Variants in GLIS3 observed in about 807,000 individuals in gnomAD.
GLIS3 encodes the protein GLIS family zinc finger 3, also known as zinc finger protein GLIS3.
GLIS3 carries 53 observed loss-of-function variants against 78.6 expected under a neutral mutation model. That is an observed-to-expected ratio of 0.67 (90% confidence interval 0.54 to 0.85). The LOEUF is 0.85. Ranked by LOEUF, GLIS3 falls within the 40% of genes least tolerant of loss-of-function variation. GLIS3 has a pLI of 0.00. For missense variants in GLIS3, 1,703 were observed against 1,231.1 expected (o/e 1.38, Z -5.74); for synonymous variants, 684 against 509.9 (o/e 1.34, Z -4.60).
At chr9:3,993,981 T>G (rs1820535519) in intron 4 of GLIS3, among the ~76,000 whole-genome samples, 1 of 152,212 alleles carries the variant, frequency 6.6e-6, no homozygotes, top group African/African-American at 2.4e-5. Context: ...TAACCTCTAC[T>G]ACGCATCAGA....
chr9:3,991,838 CTG>C (rs1820308596), intron 4 of GLIS3, among the ~76,000 whole-genome samples: 2 of 151,916 alleles, frequency 1.3e-5, no homozygotes, highest in Non-Finnish European at 2.9e-5. Flanking sequence ...CTACAGGCGC[CTG>C]CAACCATGCC....
intron 2 of GLIS3, among the ~76,000 whole-genome samples, chr9:4,149,935 G>T (rs1222087102): frequency 3.3e-5 from 5 of 152,194 alleles, no homozygotes; most frequent in South Asian, 2.1e-4. Context: ...TACTACAAAA[G>T]GGATTTACTA....
At position 4,256,595 on chromosome 9, in the gene GLIS3, T is replaced by C. The variant is rs79486836; in HGVS notation, c.388+29443A>G. On this transcript the variant is annotated intron_variant, in intron 2 of 10. Transcript: ENST00000381971. ...CAACATATATTAAACATCAGGCCTA[T>C]TGATCCAGTAATTCTACTCCTAGAT... Among the ~76,000 whole-genome samples, 688 of 152,290 alleles carry C rather than the reference T, an allele frequency of 4.5e-3. 3 individuals carry two copies. The highest frequency in any genetic ancestry group is 0.015 in the African/African-American group (629 of 41,566).
chr9:4,231,910 T>C (rs1032613939), intron 2 of GLIS3, among the ~76,000 whole-genome samples: 2 of 152,210 alleles, frequency 1.3e-5, no homozygotes, highest in Non-Finnish European at 2.9e-5. Context: ...GTGGTTGTCA[T>C]TATGTTCCTG....
At chr9:4,112,472 T>C (rs1831299735) in intron 4 of GLIS3, among the ~76,000 whole-genome samples, 2 of 152,186 alleles carry the variant, frequency 1.3e-5, no homozygotes, top group Non-Finnish European at 2.9e-5. Context: ...AAAACTTTTA[T>C]AATACTGTTC....
chr9:3,994,872 GA>G (rs1820618127), intron 4 of GLIS3, among the ~76,000 whole-genome samples: 1 of 151,938 alleles, frequency 6.6e-6, no homozygotes, highest in African/African-American at 2.4e-5. Context: ...CTGCCCTACA[GA>G]TAAAGTGAGG....
the GLIS3 span, among the ~76,000 whole-genome samples, chr9:4,371,321 C>T: frequency 6.6e-6 from 1 of 152,008 alleles, no homozygotes; most frequent in African/African-American, 2.4e-5. Flanking sequence ...TGAGTCAGTC[C>T]CTCTTATGGG....
chr9:4,270,495 G>A, intron 2 of GLIS3, among the ~76,000 whole-genome samples: 1 of 152,304 alleles, frequency 6.6e-6, no homozygotes, highest in East Asian at 1.9e-4. Flanking sequence ...AAACGGGGAA[G>A]CATCTGCTTC....
At chr9:4,241,761 C>G (rs917309537) in intron 2 of GLIS3, among the ~76,000 whole-genome samples, 12 of 152,156 alleles carry the variant, frequency 7.9e-5, no homozygotes, top group African/African-American at 2.9e-4. Context: ...TGGCTCACTG[C>G]AACCCCTGCC....
chr9:4,203,025 A>T (rs1819546411), intron 2 of GLIS3, among the ~76,000 whole-genome samples: 1 of 152,244 alleles, frequency 6.6e-6, no homozygotes, highest in Non-Finnish European at 1.5e-5. Context: ...TTATCAGCAA[A>T]GAGACAACCT....
At chr9:4,319,814 C>T (rs1194994487) in intron 2 of GLIS3, among the ~76,000 whole-genome samples, 1 of 152,132 alleles carries the variant, frequency 6.6e-6, no homozygotes, top group Non-Finnish European at 1.5e-5. Flanking sequence ...AATGTTATCA[C>T]AAAATTTCTA....
chr9:3,883,911 G>C (rs1206622303), intron 7 of GLIS3, among the ~76,000 whole-genome samples: 1 of 152,234 alleles, frequency 6.6e-6, no homozygotes, highest in Non-Finnish European at 1.5e-5. Flanking sequence ...CTTGTCTTCA[G>C]CAGAGGCCAG....
chr9:4,211,561 G>A (rs952749155), intron 2 of GLIS3, among the ~76,000 whole-genome samples: 3 of 152,240 alleles, frequency 2.0e-5, no homozygotes, highest in Non-Finnish European at 2.9e-5. Flanking sequence ...AAGGGCTGCC[G>A]CATGCATTCT....
chr9:4,158,211 C>G lies in GLIS3; in HGVS notation c.389-32270G>C, dbSNP rs192002045. ...CTTCTTATGTTTCATAAGCTCCTTT[C>G]TCCATTACATCAATTCTGAGTTTCT... On this transcript the variant is annotated intron_variant, in intron 2 of 10. Transcript: ENST00000381971. Among the ~76,000 whole-genome samples the G allele has an allele frequency of 2.0e-5, 3 of 152,264 alleles. 1 individual carries two copies. The East Asian group carries it at 5.8e-4, about 29-fold the overall frequency.
At chr9:4,240,851 T>G (rs975125874) in intron 2 of GLIS3, among the ~76,000 whole-genome samples, 1 of 151,806 alleles carries the variant, frequency 6.6e-6, no homozygotes, top group Non-Finnish European at 1.5e-5. Flanking sequence ...CCCCTGAAAT[T>G]AAAATAAAAG....
chr9:4,094,277 T>C (rs1829766614), intron 4 of GLIS3, among the ~76,000 whole-genome samples: 2 of 152,232 alleles, frequency 1.3e-5, no homozygotes, highest in South Asian at 2.1e-4. Context: ...ATCTTGCTAA[T>C]ATACTGTGTT....
intron 4 of GLIS3, among the ~76,000 whole-genome samples, chr9:4,090,941 A>G (rs1829446373): frequency 6.6e-6 from 1 of 152,176 alleles, no homozygotes; most frequent in Non-Finnish European, 1.5e-5. Flanking sequence ...TGGCTCAGCC[A>G]TTTTCTAACT....
intron 7 of GLIS3, among the ~76,000 whole-genome samples, chr9:3,887,894 C>A (rs571223869): frequency 1.3e-5 from 2 of 152,320 alleles, no homozygotes; most frequent in African/African-American, 2.4e-5. Flanking sequence ...TTTCACACAG[C>A]CCTCTTAGAT....
chr9:3,867,088 CTTTTTAGGT>C (rs1820636386), intron 8 of GLIS3, among the ~76,000 whole-genome samples: 1 of 152,114 alleles, frequency 6.6e-6, no homozygotes, highest in Non-Finnish European at 1.5e-5. Flanking sequence ...GACTCCTAGG[CTTTTTAGGT>C]TTTTAACAGT....
Sources: allele counts gnomAD v4.1 joint callset (sites outside exome capture counted in the v4.1 genomes callset), GRCh38; gene constraint gnomAD v4.1.1; transcripts MANE v1.5; gene names NCBI Gene and HGNC (gene_info 2026-07-23, HGNC 2026-07-21).